The following FBLN2 variants were observed in gnomAD, a reference collection of about 807,000 sequenced individuals.
The protein encoded by FBLN2 is fibulin-2.
In FBLN2, 81 loss-of-function variants were observed where a neutral mutation model predicts 123.7. The observed-to-expected ratio is 0.65, with a 90% confidence interval of 0.55 to 0.79. The LOEUF is 0.79. Among genes scored for constraint, FBLN2 ranks in the 30% least tolerant of loss-of-function variants. The pLI is 0.00. For missense variants in FBLN2, 1,603 were observed against 1,681.3 expected (o/e 0.95, Z 0.81); for synonymous variants, 699 against 701.4 (o/e 1.00, Z 0.05).
intron 7 of FBLN2, 121 bp downstream of exon 7, chr3:13,619,138 G>A: frequency 4.2e-6 from 3 of 706,078 alleles, no homozygotes; most frequent in South Asian, 1.9e-5. Context: ...TCCAAAGGGT[G>A]TGCTTCTGTT....
At chr3:13,598,747 T>C (rs1230565945) in intron 2 of FBLN2, among the ~76,000 whole-genome samples, 4 of 152,162 alleles carry the variant, frequency 2.6e-5, no homozygotes, top group Non-Finnish European at 5.9e-5. Context: ...ATGATTAGGC[T>C]GATTCTTGGC....
At chr3:13,579,555 C>T (rs962114641) in intron 2 of FBLN2, among the ~76,000 whole-genome samples, 4 of 152,232 alleles carry the variant, frequency 2.6e-5, no homozygotes, top group East Asian at 1.9e-4. Flanking sequence ...GGACGCACAG[C>T]GTTCTGTTCT....
chr3:13,637,516 A>AG, intron 17 of FBLN2, 46 bp from the exon 18 acceptor site: 2 of 1,510,838 alleles, frequency 1.3e-6, no homozygotes, highest in Admixed American at 1.8e-5. Flanking sequence ...TCTGGGGATG[A>AG]GGGGGGTGGG....
rs1559432248 is a variant in FBLN2 at position 13,638,158 on chromosome 3, G to C, written c.*239G>C. Reference sequence around the variant, plus strand: ...GCACGGTGGGCCACGGCCGTGGCGGGTGCCCTGTGGGTGAGGCTGGGTGAT... The same window carrying C: ...GCACGGTGGGCCACGGCCGTGGCGGCTGCCCTGTGGGTGAGGCTGGGTGAT... On this transcript the variant is annotated 3_prime_UTR_variant, in exon 18 of 18. Coordinates refer to ENST00000404922, the MANE Select transcript of FBLN2 (RefSeq NM_001004019.2). 1 of 644,366 alleles carries C rather than the reference G, an allele frequency of 1.6e-6. No individual in the cohort carries two copies. Among genetic ancestry groups the C allele is most frequent in the Non-Finnish European group, 2.8e-6 (1 of 361,232 alleles). 39.9% of individuals were successfully genotyped at this position (644,366 alleles called of 1,614,324 possible).
At chr3:13,580,400 C>G (rs1228875058) in intron 2 of FBLN2, among the ~76,000 whole-genome samples, 2 of 152,142 alleles carry the variant, frequency 1.3e-5, no homozygotes, top group Non-Finnish European at 1.5e-5. Flanking sequence ...TTATTGAGTG[C>G]CTCTCTCACC....
rs376238320 is a variant in FBLN2, at chr3:13,570,667, C to T, written c.312C>T (p.Gly104=). ...CTGAGTGCTCCTGCCCACCAGGCGG[C>T]GGCAAGATCAGCTGCCAGTTCATGC... is the stretch of plus-strand genomic sequence containing the variant. The part of the protein sequence containing the change: ...GSTECSCPPG[G]GKISCQFMLC... The change falls in exon 2 of 18, where the codon GGC becomes GGT. Residue 104 remains glycine (G), a synonymous_variant. Coordinates refer to ENST00000404922, the MANE Select transcript of FBLN2 (RefSeq NM_001004019.2). 4.6e-5 allele frequency: 73 copies of T among 1,583,540 alleles called. No individual in the cohort carries two copies. In the African/African-American group the frequency reaches 6.6e-4, roughly 14 times the overall value.
intron 1 of FBLN2, among the ~76,000 whole-genome samples, chr3:13,555,971 G>A (rs985297542): frequency 5.3e-5 from 8 of 152,182 alleles, no homozygotes; most frequent in African/African-American, 7.2e-5. Flanking sequence ...TGGTAGGGGC[G>A]TCACATACCT....
intron 1 of FBLN2, among the ~76,000 whole-genome samples, chr3:13,557,401 A>G (rs1488396991): frequency 6.6e-6 from 1 of 152,242 alleles, no homozygotes; most frequent in Non-Finnish European, 1.5e-5. Context: ...CAGGTGATAG[A>G]AAGTACAATT....
chr3:13,562,386 T>G (rs1385988756), intron 1 of FBLN2, among the ~76,000 whole-genome samples: 1 of 151,086 alleles, frequency 6.6e-6, no homozygotes, highest in African/African-American at 2.4e-5. Flanking sequence ...TGACGGAGTC[T>G]TGCCGTGTCG....
At chr3:13,586,174 A>C (rs1026117992) in intron 2 of FBLN2, among the ~76,000 whole-genome samples, 1 of 151,906 alleles carries the variant, frequency 6.6e-6, no homozygotes, top group Admixed American at 6.6e-5. Flanking sequence ...TTTATGTCTT[A>C]GTTTCTTTTT....
At chr3:13,582,736 A>AGCAG (rs1309323408) in intron 2 of FBLN2, among the ~76,000 whole-genome samples, 1 of 152,174 alleles carries the variant, frequency 6.6e-6, no homozygotes, top group East Asian at 1.9e-4. Context: ...TACTGAGAGG[A>AGCAG]GCAGGCGGGC....
Position 13,627,819 on chromosome 3 carries a change from C to T in FBLN2, c.2432-13C>T. 3 of 1,610,018 alleles carry T rather than the reference C, an allele frequency of 1.9e-6. No homozygotes were observed. The highest frequency in any genetic ancestry group is 2.5e-6 in the Non-Finnish European group (3 of 1,177,964). On this transcript the variant is annotated splice_polypyrimidine_tract_variant and intron_variant, in intron 10 of 17. Transcript: ENST00000404922. ...TGCCCCCCAGCCCTTGACACCCAGC[C>T]TCTCCGCTGCAGACGTGGATGAGTG... is the stretch of plus-strand genomic sequence containing the variant.
chr3:13,626,991 C>T (rs1455417829), intron 10 of FBLN2, among the ~76,000 whole-genome samples: 3 of 152,108 alleles, frequency 2.0e-5, no homozygotes, highest in Non-Finnish European at 4.4e-5. Flanking sequence ...TCAACAAGTA[C>T]GTCCTGAGCT....
intron 1 of FBLN2, among the ~76,000 whole-genome samples, chr3:13,557,999 G>C (rs920400802): frequency 6.6e-6 from 1 of 152,192 alleles, no homozygotes; most frequent in African/African-American, 2.4e-5. Context: ...TTATACCACA[G>C]ACTGGGCCAG....
intron 16 of FBLN2, among the ~76,000 whole-genome samples, chr3:13,634,292 A>C (rs571690361): frequency 7.9e-5 from 12 of 152,352 alleles, no homozygotes; most frequent in African/African-American, 2.6e-4. Context: ...TACGGGGCCT[A>C]GTCCAGCTCC....
Position 13,619,836 on chromosome 3 carries a change from G to GTGCCT in FBLN2, c.2155+8_2155+12dup, listed in dbSNP as rs758445511. On this transcript the variant is annotated splice_donor_region_variant and intron_variant, in intron 8 of 17. Transcript: ENST00000404922. ...CGGATGGCGTGTCCTGTGAAGGTGA[G>GTGCCT]TGCCTTGGGGTGCCCTCCTACCTGT... 6.2e-7 allele frequency: 1 copy of GTGCCT among 1,606,856 alleles called. No homozygotes were observed. Among genetic ancestry groups the GTGCCT allele is most frequent in the Non-Finnish European group, 8.5e-7 (1 of 1,176,676 alleles).
At chr3:13,588,043 T>A (rs1316119524) in intron 2 of FBLN2, among the ~76,000 whole-genome samples, 1 of 152,230 alleles carries the variant, frequency 6.6e-6, no homozygotes, top group African/African-American at 2.4e-5. Context: ...ATCCTCAACC[T>A]TGGCAAAATA....
intron 16 of FBLN2, among the ~76,000 whole-genome samples, chr3:13,632,527 G>A (rs1706291077): frequency 6.6e-6 from 1 of 152,374 alleles, no homozygotes; most frequent in Non-Finnish European, 1.5e-5. Context: ...CTGAGATCAA[G>A]TCGATAGACT....
At chr3:13,558,491 T>TTAGCCAGTGAC (rs1559397484) in intron 1 of FBLN2, among the ~76,000 whole-genome samples, 6 of 152,138 alleles carry the variant, frequency 3.9e-5, no homozygotes, top group Non-Finnish European at 1.5e-5. Context: ...TTTAGGTCAC[T>TTAGCCAGTGAC]TAGCCAGTGA....
Sources: gnomAD v4.1 joint callset for allele counts (sites outside exome capture counted in the v4.1 genomes callset) on GRCh38, gnomAD v4.1.1 for gene constraint, MANE v1.5 for transcripts, NCBI Gene and HGNC (gene_info 2026-07-23, HGNC 2026-07-21) for gene names.